Variants in CNIH3 observed in about 807,000 individuals in gnomAD.
CNIH3 encodes the protein protein cornichon homolog 3.
Under a neutral mutation model 24.1 loss-of-function variants are expected in CNIH3, and 14 were observed. The ratio of observed to expected loss-of-function variants is 0.58; its 90% CI spans 0.38 to 0.91. CNIH3 has a LOEUF of 0.91. Ranked by LOEUF, CNIH3 falls within the 40% of genes least tolerant of loss-of-function variation. The probability of loss-of-function intolerance (pLI) is 0.00; values close to 1 mark genes in which losing one functional copy is unlikely to be tolerated. For missense variants in CNIH3, 178 were observed against 196.8 expected (o/e 0.90, Z 0.57); for synonymous variants, 68 against 73.8 (o/e 0.92, Z 0.40).
intron 1 of CNIH3, among the ~76,000 whole-genome samples, chr1:224,655,533 A>G (rs1278976593): frequency 6.6e-6 from 1 of 152,322 alleles, no homozygotes; most frequent in African/African-American, 2.4e-5. Flanking sequence ...TGTCGATGTC[A>G]CTGTCAGTGT....
intron 3 of CNIH3, among the ~76,000 whole-genome samples, chr1:224,547,873 AC>A (rs771273160): frequency 2.6e-5 from 4 of 151,944 alleles, no homozygotes; most frequent in Non-Finnish European, 4.4e-5. Flanking sequence ...GTGGGAGTAT[AC>A]CCTGTGTGTA....
chr1:224,693,370 T>A (rs1249209035), intron 3 of CNIH3, among the ~76,000 whole-genome samples: 1 of 152,240 alleles, frequency 6.6e-6, no homozygotes, highest in Non-Finnish European at 1.5e-5. Flanking sequence ...AGTTCTCTAT[T>A]GCCCTGATAA....
chr1:224,519,764 G>A (rs1678549002), intron 1 of CNIH3, among the ~76,000 whole-genome samples: 1 of 151,246 alleles, frequency 6.6e-6, no homozygotes, highest in African/African-American at 2.4e-5. Flanking sequence ...TATTTAATAT[G>A]TATCTCCTGT....
intron 1 of CNIH3, among the ~76,000 whole-genome samples, chr1:224,520,792 G>C (rs139834972): frequency 1.3e-5 from 2 of 152,308 alleles, no homozygotes; most frequent in African/African-American, 4.8e-5. Context: ...ATGAAGAGAG[G>C]CTCATGTGTG....
At chr1:224,550,636 A>G (rs1280848788) in intron 3 of CNIH3, among the ~76,000 whole-genome samples, 4 of 152,242 alleles carry the variant, frequency 2.6e-5, no homozygotes, top group Non-Finnish European at 5.9e-5. Flanking sequence ...TCAAAGTGAT[A>G]TTTCATAAAT....
chr1:224,461,809 C>T (rs150894438), intron 1 of CNIH3, among the ~76,000 whole-genome samples: 78 of 152,300 alleles, frequency 5.1e-4, no homozygotes, highest in Middle Eastern at 3.4e-3. Flanking sequence ...ATTCTCTCCT[C>T]CATATGCCTC....
chr1:224,511,734 G>T (rs1678158981), upstream of CNIH3, among the ~76,000 whole-genome samples: 1 of 151,982 alleles, frequency 6.6e-6, no homozygotes, highest in South Asian at 2.1e-4. Context: ...TACACCTGTA[G>T]TCCCAGTTAT....
At chr1:224,524,330 A>G (rs138506492) in intron 2 of CNIH3, among the ~76,000 whole-genome samples, 13 of 152,346 alleles carry the variant, frequency 8.5e-5, no homozygotes, top group Non-Finnish European at 1.9e-4. Flanking sequence ...TACATAAAGG[A>G]CTGGTGATCA....
At chr1:224,468,566 T>G (rs943030055) in intron 1 of CNIH3, among the ~76,000 whole-genome samples, 3 of 152,240 alleles carry the variant, frequency 2.0e-5, no homozygotes, top group African/African-American at 7.2e-5. Context: ...TATTAGGATT[T>G]TCTGTGTAGA....
intron 1 of CNIH3, among the ~76,000 whole-genome samples, chr1:224,643,563 C>T (rs368430304): frequency 7.9e-5 from 12 of 152,122 alleles, no homozygotes; most frequent in South Asian, 2.1e-4. Flanking sequence ...TCATGGAGGC[C>T]GGGCAGCCTC....
At chr1:224,539,266 T>C (rs1679419004), downstream of CNIH3, among the ~76,000 whole-genome samples, 1 of 152,208 alleles carries the variant, frequency 6.6e-6, no homozygotes, top group African/African-American at 2.4e-5. Flanking sequence ...CGTCTTCCAT[T>C]TCTTGTTCTC....
At chr1:224,586,668 C>A (rs1681523442) in intron 5 of CNIH3, among the ~76,000 whole-genome samples, 1 of 152,152 alleles carries the variant, frequency 6.6e-6, no homozygotes, top group African/African-American at 2.4e-5. Flanking sequence ...TCACCCAGAA[C>A]CTCAGAATGT....
intron 3 of CNIH3, among the ~76,000 whole-genome samples, chr1:224,560,494 A>T (rs747252103): frequency 2.6e-5 from 4 of 152,108 alleles, no homozygotes; most frequent in Non-Finnish European, 4.4e-5. Context: ...GTGCAGTTTC[A>T]TCTGCATTTA....
At chr1:224,609,986 T>C (rs763307181) in intron 3 of CNIH3, among the ~76,000 whole-genome samples, 1 of 152,254 alleles carries the variant, frequency 6.6e-6, no homozygotes, top group Non-Finnish European at 1.5e-5. Context: ...GCCAAAGCGA[T>C]ACACATTCAA....
At chr1:224,444,535 A>C (rs1385298979) in intron 1 of CNIH3, among the ~76,000 whole-genome samples, 2 of 151,750 alleles carry the variant, frequency 1.3e-5, no homozygotes, top group Non-Finnish European at 2.9e-5. Flanking sequence ...TTTTCAGTAG[A>C]GGCGGGGTTT....
intron 1 of CNIH3, among the ~76,000 whole-genome samples, chr1:224,494,970 C>G (rs899472690): frequency 2.0e-5 from 3 of 152,210 alleles, no homozygotes; most frequent in Admixed American, 6.5e-5. Context: ...CCTGAGCCCC[C>G]CAAGCTGCTC....
intron 1 of CNIH3, among the ~76,000 whole-genome samples, chr1:224,665,581 A>G (rs1685558504): frequency 6.6e-6 from 1 of 152,090 alleles, no homozygotes; most frequent in Admixed American, 6.5e-5. Context: ...CTGGAGCAGT[A>G]CCTCCTGCAA....
At chr1:224,570,079 C>T (rs957653564) in intron 4 of CNIH3, among the ~76,000 whole-genome samples, 15 of 152,020 alleles carry the variant, frequency 9.9e-5, no homozygotes, top group Admixed American at 9.2e-4. Flanking sequence ...CCACTGCACC[C>T]GGCAAAGCAT....
chr1:224,519,048 G>A (rs1212558445), intron 1 of CNIH3, among the ~76,000 whole-genome samples: 2 of 152,180 alleles, frequency 1.3e-5, no homozygotes, highest in African/African-American at 4.8e-5. Context: ...CAGATGAAAT[G>A]AGGTAAAGTT....
Sources: gnomAD v4.1 joint callset for allele counts (sites outside exome capture counted in the v4.1 genomes callset) on GRCh38, gnomAD v4.1.1 for gene constraint, MANE v1.5 for transcripts, NCBI Gene and HGNC (gene_info 2026-07-23, HGNC 2026-07-21) for gene names.